Variants in CCDC125 observed in about 807,000 individuals in gnomAD.
CCDC125 encodes coiled-coil domain containing 125, also known as coiled-coil domain-containing protein 125.
Under a neutral mutation model 57.4 loss-of-function variants are expected in CCDC125, and 43 were observed. The ratio of observed to expected loss-of-function variants is 0.75; its 90% confidence interval spans 0.59 to 0.97. The LOEUF (loss-of-function observed/expected upper bound fraction) is 0.97, where lower values mean the gene tolerates loss of function less well. Among genes scored for constraint, CCDC125 ranks in the 50% least tolerant of loss-of-function variants. The pLI, the probability that CCDC125 is intolerant of heterozygous loss-of-function variation, is 0.00. For synonymous variants in CCDC125, 187 were observed against 195.2 expected, an observed-to-expected ratio of 0.96 and a Z score of 0.35; for missense variants, 563 against 595.7, an observed-to-expected ratio of 0.95 and a Z score of 0.57.
intron 8 of CCDC125, among the ~76,000 whole-genome samples, chr5:69,296,799 C>G (rs1755392268): frequency 6.6e-6 from 1 of 151,270 alleles, no homozygotes; most frequent in Non-Finnish European, 1.5e-5. Context: ...CCTGTCTCTA[C>G]TAAAAAATAT....
downstream of CCDC125, chr5:69,277,186 A>C: frequency 7.3e-7 from 1 of 1,368,146 alleles, no homozygotes; most frequent in African/African-American, 1.5e-5. Context: ...CAAAAAGGCA[A>C]ATAATGGAAA....
At chr5:69,278,646 T>C (rs765345047), downstream of CCDC125, among the ~76,000 whole-genome samples, 13 of 151,876 alleles carry the variant, frequency 8.6e-5, no homozygotes, top group Non-Finnish European at 2.9e-5. Context: ...TGCATAACAA[T>C]GTACAGCATT....
intron 6 of CCDC125, among the ~76,000 whole-genome samples, chr5:69,305,646 C>T (rs570660328): frequency 2.0e-5 from 3 of 152,330 alleles, no homozygotes; most frequent in Admixed American, 2.0e-4. Context: ...TCTCTGGCGC[C>T]GTGCTCCTTG....
intron 4 of CCDC125, chr5:69,310,171 G>A (rs1757916545): frequency 6.6e-6 from 1 of 152,228 alleles, no homozygotes; most frequent in East Asian, 1.9e-4. Flanking sequence ...CTGTTGGGAA[G>A]GCATGATTGG....
downstream of CCDC125, among the ~76,000 whole-genome samples, chr5:69,279,261 G>A (rs1441757578): frequency 1.4e-5 from 2 of 146,564 alleles, no homozygotes; most frequent in Non-Finnish European, 1.5e-5. Context: ...GCAGTGGCAC[G>A]ATCTCGGCTC....
chr5:69,274,452 T>C, the CCDC125 span, among the ~76,000 whole-genome samples: 1 of 151,996 alleles, frequency 6.6e-6, no homozygotes, highest in African/African-American at 2.4e-5. Flanking sequence ...CTGGGCAACA[T>C]GACAAAACAT....
At chr5:69,279,342 G>T (rs1412259256), downstream of CCDC125, among the ~76,000 whole-genome samples, 1 of 71,672 alleles carries the variant, frequency 1.4e-5, no homozygotes, top group Non-Finnish European at 2.4e-5. Flanking sequence ...GACTACAGGT[G>T]CCCGCCACCA....
intron 8 of CCDC125, among the ~76,000 whole-genome samples, chr5:69,296,761 C>T (rs572940554): frequency 1.0e-3 from 153 of 152,080 alleles, no homozygotes; most frequent in African/African-American, 3.6e-3. Context: ...TTCAGAAGTT[C>T]GAGACCAGCC....
intron 1 of CCDC125, among the ~76,000 whole-genome samples, chr5:69,327,194 A>T (rs1760844503): frequency 6.7e-6 from 1 of 148,698 alleles, no homozygotes; most frequent in Non-Finnish European, 1.5e-5. Flanking sequence ...TCCCGGGTTC[A>T]TGCCAGTCTC....
chr5:69,312,167 TCATA>T (rs1758265391), intron 3 of CCDC125, among the ~76,000 whole-genome samples: 1 of 152,084 alleles, frequency 6.6e-6, no homozygotes, highest in South Asian at 2.1e-4. Flanking sequence ...GGACCCAGAC[TCATA>T]GGGAGAAGGC....
rs1758600156 is a variant in CCDC125 at position 69,314,050 on chromosome 5, G to A, written c.305-4C>T. On this transcript the variant is annotated splice_region_variant and splice_polypyrimidine_tract_variant and intron_variant, in intron 2 of 11. Transcript: ENST00000396496. ...GACAATTCTGAATTCGAATCTACTTGGGAGGGAGGAGAAAAGAATCTATTA... is the reference window on the plus strand; with the variant it reads ...GACAATTCTGAATTCGAATCTACTTAGGAGGGAGGAGAAAAGAATCTATTA... 2 of 1,599,402 alleles carry A rather than the reference G, an allele frequency of 1.3e-6. No individual in the cohort carries two copies. Among genetic ancestry groups the A allele is most frequent in the South Asian group, 2.2e-5 (2 of 90,750 alleles).
chr5:69,282,891 C>T lies in CCDC125; in HGVS notation c.1374G>A (p.Trp458Ter). 6.2e-7 allele frequency: 1 copy of T among 1,614,044 alleles called. No individual in the cohort carries two copies. The highest frequency in any genetic ancestry group is 8.5e-7 in the Non-Finnish European group (1 of 1,179,998). The change falls in exon 12 of 12, where the codon TGG becomes TGA. Residue 458 changes from tryptophan (W) to a stop codon, truncating the protein, a stop_gained. Coordinates refer to ENST00000396496, the MANE Select transcript of CCDC125 (RefSeq NM_176816.5). LOFTEE classifies it low-confidence loss of function (END_TRUNC). The stretch of plus-strand genomic sequence containing the variant: ...AAACAGAGAATTCTGAAGTCTTACG[C>T]CAGGGGTTGTTGAAAGGGAAATTCT... ...IKENFPFNNP[W>*]RKTSEFSVLG...
At chr5:69,275,730 T>TA (rs1426473310), downstream of CCDC125, among the ~76,000 whole-genome samples, 1 of 152,110 alleles carries the variant, frequency 6.6e-6, no homozygotes, top group African/African-American at 2.4e-5. Context: ...TCCTAGCTCT[T>TA]AGGGAGGCGG....
At chr5:69,276,657 A>T (rs746938896), downstream of CCDC125, 52 of 1,614,106 alleles carry the variant, frequency 3.2e-5, no homozygotes, top group South Asian at 5.6e-4. Flanking sequence ...AGCTTTGGCA[A>T]TAAAAAGGAA....
At chr5:69,274,867 C>T in the CCDC125 span, among the ~76,000 whole-genome samples, 1 of 152,220 alleles carries the variant, frequency 6.6e-6, no homozygotes, top group African/African-American at 2.4e-5. Flanking sequence ...CCATCTGCCT[C>T]GGCCTCCCAA....
chr5:69,288,596 T>G (rs1753881912), intron 10 of CCDC125, among the ~76,000 whole-genome samples: 1 of 152,156 alleles, frequency 6.6e-6, no homozygotes, highest in Admixed American at 6.6e-5. Context: ...AGATCCTTTA[T>G]AATAAACTGG....
At chr5:69,308,270 CA>C (rs1757646246) in intron 4 of CCDC125, 2 of 516,928 alleles carry the variant, frequency 3.9e-6, no homozygotes, top group Non-Finnish European at 3.5e-6. Flanking sequence ...GTGTTCAGAA[CA>C]GTACTATTCA....
Position 69,313,409 on chromosome 5 carries a change from C to T in CCDC125, c.366+576G>A, listed in dbSNP as rs576519401. The T allele has an allele frequency of 3.9e-6, 6 of 1,525,904 alleles. No homozygotes were observed. In the South Asian group the frequency reaches 4.5e-5, roughly 11 times the overall value. 94.5% of individuals were successfully genotyped at this position (1,525,904 alleles called of 1,614,324 possible). On this transcript the variant is annotated intron_variant, in intron 3 of 11. Coordinates refer to ENST00000396496, the MANE Select transcript of CCDC125 (RefSeq NM_176816.5). ...CCCTCCAGGGAGATGATGGCACTGCCCCCCAGCTTCTCTGCCAGGGTGCAG... is the reference window on the plus strand; with the variant it reads ...CCCTCCAGGGAGATGATGGCACTGCTCCCCAGCTTCTCTGCCAGGGTGCAG...
At chr5:69,283,974 G>A (rs1369444278) in intron 11 of CCDC125, among the ~76,000 whole-genome samples, 1 of 150,472 alleles carries the variant, frequency 6.6e-6, no homozygotes, top group Non-Finnish European at 1.5e-5. Flanking sequence ...TGTATTTTTA[G>A]TAGAGACAGT....
Sources: allele counts gnomAD v4.1 joint callset (sites outside exome capture counted in the v4.1 genomes callset), GRCh38; gene constraint gnomAD v4.1.1; transcripts MANE v1.5; gene names NCBI Gene and HGNC (gene_info 2026-07-23, HGNC 2026-07-21).